The following TRAPPC9 variants were observed in gnomAD, a reference collection of about 807,000 sequenced individuals.
The protein encoded by TRAPPC9 is trafficking protein particle complex subunit 9.
TRAPPC9 carries 83 observed loss-of-function variants against 124.0 expected under a neutral mutation model. That is an observed-to-expected ratio of 0.67 (90% CI 0.56 to 0.80). TRAPPC9 has a LOEUF of 0.80. Among genes scored for constraint, TRAPPC9 ranks in the 30% least tolerant of loss-of-function variants. The pLI, the probability that TRAPPC9 is intolerant of heterozygous loss-of-function variation, is 0.00. For missense variants in TRAPPC9, 1,302 were observed against 1,508.3 expected (o/e 0.86, Z 2.27); for synonymous variants, 638 against 617.5 (o/e 1.03, Z -0.49).
intron 19 of TRAPPC9, chr8:139,931,536 C>T (rs1183993971): frequency 6.6e-6 from 1 of 152,180 alleles, no homozygotes; most frequent in Admixed American, 6.5e-5. Flanking sequence ...TCTCATTGTA[C>T]AAAAAGCCAA....
intron 17 of TRAPPC9, among the ~76,000 whole-genome samples, chr8:140,111,597 G>A (rs1314356684): frequency 6.6e-6 from 1 of 152,206 alleles, no homozygotes; most frequent in Admixed American, 6.5e-5. Context: ...GTCTCCCTAA[G>A]ATACAAACCT....
intron 8 of TRAPPC9, among the ~76,000 whole-genome samples, chr8:140,362,213 G>C (rs1002283649): frequency 6.6e-6 from 1 of 152,274 alleles, no homozygotes; most frequent in Admixed American, 6.5e-5. Context: ...CTGGCAGGGT[G>C]CCTGATAACA....
intron 5 of TRAPPC9, among the ~76,000 whole-genome samples, chr8:140,418,211 AAAAAAT>A (rs773861510): frequency 6.6e-6 from 1 of 152,220 alleles, no homozygotes; most frequent in African/African-American, 2.4e-5. Context: ...AAAGTATAAT[AAAAAAT>A]AAAAATAAAG....
intron 17 of TRAPPC9, among the ~76,000 whole-genome samples, chr8:140,136,796 T>C (rs1367304254): frequency 6.6e-6 from 1 of 152,032 alleles, no homozygotes; most frequent in Non-Finnish European, 1.5e-5. Flanking sequence ...GATGGGACAG[T>C]GGGAGATCCA....
At chr8:140,276,332 A>G (rs2065119141) in intron 14 of TRAPPC9, among the ~76,000 whole-genome samples, 1 of 152,224 alleles carries the variant, frequency 6.6e-6, no homozygotes, top group Admixed American at 6.5e-5. Flanking sequence ...TCTTACAGGT[A>G]CAAACTGTAA....
At chr8:139,932,515 C>A (rs1374679032) in intron 19 of TRAPPC9, 1 of 456,492 alleles carries the variant, frequency 2.2e-6, no homozygotes, top group Admixed American at 2.3e-5. Context: ...GTAATCCCAG[C>A]ACTTTGGAAG....
At chr8:140,458,529 G>T, upstream of TRAPPC9, 2 of 1,583,522 alleles carry the variant, frequency 1.3e-6, no homozygotes, top group Non-Finnish European at 1.7e-6. Context: ...GCTTCCCCCT[G>T]TGTGGCGCGC....
intron 20 of TRAPPC9, among the ~76,000 whole-genome samples, chr8:139,905,768 A>G (rs796661651): frequency 7.2e-5 from 11 of 152,302 alleles, no homozygotes; most frequent in African/African-American, 2.6e-4. Flanking sequence ...TAAGAATGAT[A>G]AATAGGGTTT....
Position 139,947,905 on chromosome 8 carries a change from T to TAG in TRAPPC9, c.2811-37606_2811-37605insCT, listed in dbSNP as rs1431867247. The stretch of plus-strand genomic sequence containing the variant: ...AAAGAAATATGTGTGTATATATATA[T>TAG]ATAGAGAGAGAGAGAGAGCGAGAGA... On this transcript the variant is annotated intron_variant, in intron 19 of 22. Transcript: ENST00000438773. Among the ~76,000 whole-genome samples, 280 of 43,338 alleles carry TAG rather than the reference T, an allele frequency of 6.5e-3. 13 individuals carry two copies. Among genetic ancestry groups the TAG allele is most frequent in the East Asian group, 0.027 (38 of 1,384 alleles). 28.4% of individuals were successfully genotyped at this position (43,338 alleles called of 152,430 possible). A position where few individuals can be genotyped will look rare whatever the true frequency, so the allele number is the denominator to read the frequency against.
At chr8:140,351,344 G>GA (rs1297744584) in intron 9 of TRAPPC9, among the ~76,000 whole-genome samples, 3 of 148,382 alleles carry the variant, frequency 2.0e-5, no homozygotes, top group Non-Finnish European at 3.0e-5. Flanking sequence ...ATATTTGGGG[G>GA]AAAAAATTGC....
At chr8:139,812,179 A>G (rs1824489455) in intron 21 of TRAPPC9, among the ~76,000 whole-genome samples, 1 of 152,272 alleles carries the variant, frequency 6.6e-6, no homozygotes, top group East Asian at 1.9e-4. Flanking sequence ...TTAGCGTCAC[A>G]GAAAAATAAA....
Position 140,087,975 on chromosome 8 carries a change from A to C in TRAPPC9, c.2557-63896T>G, listed in dbSNP as rs1041749412. ...GCACCAGCTGTGATTTCTGCTTGGAAGATGTGGCTTACCAGAGCCCCTAGC... is the reference window on the plus strand; with the variant it reads ...GCACCAGCTGTGATTTCTGCTTGGACGATGTGGCTTACCAGAGCCCCTAGC... On this transcript the variant is annotated intron_variant, in intron 17 of 22. Coordinates refer to ENST00000438773, the MANE Select transcript of TRAPPC9 (RefSeq NM_001160372.4). The surrounding 1 kb of genome is among the most constrained non-coding windows in gnomAD (Gnocchi z 4.6). Among the ~76,000 whole-genome samples the C allele has an allele frequency of 3.3e-5, 5 of 151,986 alleles. No individual in the cohort carries two copies. The highest frequency in any genetic ancestry group is 7.4e-5 in the Non-Finnish European group (5 of 68,002).
At chr8:140,210,601 T>G (rs2063036160) in intron 17 of TRAPPC9, among the ~76,000 whole-genome samples, 1 of 152,086 alleles carries the variant, frequency 6.6e-6, no homozygotes, top group African/African-American at 2.4e-5. Context: ...GGATTCCCTG[T>G]ACCCGCACCC....
At chr8:139,854,941 G>A (rs549895502) in intron 21 of TRAPPC9, among the ~76,000 whole-genome samples, 71 of 152,272 alleles carry the variant, frequency 4.7e-4, no homozygotes, top group South Asian at 2.9e-3. Context: ...TTGAAGCGAG[G>A]GCTGATGGGG....
At chr8:139,856,033 T>C (rs1403952317) in intron 21 of TRAPPC9, among the ~76,000 whole-genome samples, 1 of 152,162 alleles carries the variant, frequency 6.6e-6, no homozygotes, top group East Asian at 1.9e-4. Context: ...CCCAGGGCCT[T>C]CATCATTAAA....
intron 21 of TRAPPC9, among the ~76,000 whole-genome samples, chr8:139,865,900 G>T (rs1412901138): frequency 6.6e-6 from 1 of 152,218 alleles, no homozygotes; most frequent in Non-Finnish European, 1.5e-5. Flanking sequence ...GCCCGAGGTG[G>T]TCGGGGTGCA....
At chr8:140,137,104 G>A (rs958748935) in intron 17 of TRAPPC9, among the ~76,000 whole-genome samples, 2 of 152,118 alleles carry the variant, frequency 1.3e-5, no homozygotes, top group African/African-American at 4.8e-5. Flanking sequence ...GAGGGGAAAG[G>A]AAGGGCCAGC....
intron 17 of TRAPPC9, among the ~76,000 whole-genome samples, chr8:140,086,244 TGAA>T (rs1405793917): frequency 1.3e-5 from 2 of 151,028 alleles, no homozygotes; most frequent in Non-Finnish European, 1.5e-5. Context: ...GTATGGAGGA[TGAA>T]GAAGGAGGGG....
chr8:140,435,448 C>T (rs1041775705), intron 3 of TRAPPC9, among the ~76,000 whole-genome samples: 3 of 152,192 alleles, frequency 2.0e-5, no homozygotes, highest in Non-Finnish European at 4.4e-5. Context: ...AACTTGCCAC[C>T]TGTCTTTCCC....
Sources: gnomAD v4.1 joint callset for allele counts (sites outside exome capture counted in the v4.1 genomes callset) on GRCh38, gnomAD v4.1.1 for gene constraint, Gnocchi (gnomAD v3.1) non-coding constraint, MANE v1.5 for transcripts, NCBI Gene and HGNC (gene_info 2026-07-23, HGNC 2026-07-21) for gene names.